The following KCNH8 variants were observed in gnomAD, a reference collection of about 807,000 sequenced individuals.
KCNH8 encodes voltage-gated delayed rectifier potassium channel KCNH8.
In KCNH8, 70 loss-of-function variants were observed where a neutral mutation model predicts 103.6. The observed-to-expected ratio is 0.68, with a 90% CI of 0.56 to 0.82. The LOEUF is 0.82. Among genes scored for constraint, KCNH8 ranks in the 40% least tolerant of loss-of-function variants. The pLI, the probability that KCNH8 is intolerant of heterozygous loss-of-function variation, is 0.00. For missense variants in KCNH8, 1,217 were observed against 1,329.9 expected, an observed-to-expected ratio of 0.92 and a Z score of 1.32; for synonymous variants, 498 against 489.4, an observed-to-expected ratio of 1.02 and a Z score of -0.23.
In KCNH8 at chr3:19,321,312, A is replaced by C. The variant is rs1575525411; in HGVS notation, c.443-21275A>C. ...TTGCTCTTTCAGACTTTTTGATGTG[A>C]ACATTTAATGGTATGAACTTTTCTC... is the stretch of plus-strand genomic sequence containing the variant. On this transcript the variant is annotated intron_variant, in intron 3 of 15. Transcript: ENST00000328405. 2.6e-5 allele frequency among the ~76,000 whole-genome samples: 4 copies of C among 151,838 alleles called. No homozygotes were observed. In the South Asian group the frequency reaches 8.3e-4, roughly 32 times the overall value.
intron 3 of KCNH8, among the ~76,000 whole-genome samples, chr3:19,340,355 TA>T (rs1178456309): frequency 3.7e-5 from 4 of 107,052 alleles, no homozygotes; most frequent in African/African-American, 7.9e-5. Context: ...ATTTTTTTTT[TA>T]ATTTTTTTTT....
intron 1 of KCNH8, among the ~76,000 whole-genome samples, chr3:19,205,968 A>G (rs2063710006): frequency 6.6e-6 from 1 of 151,330 alleles, no homozygotes; most frequent in South Asian, 2.1e-4. Context: ...CGCCCTTTCC[A>G]CCCTTTCCTC....
chr3:19,220,387 C>T (rs186626496), intron 1 of KCNH8, among the ~76,000 whole-genome samples: 1 of 152,338 alleles, frequency 6.6e-6, no homozygotes, highest in Non-Finnish European at 1.5e-5. Context: ...TCTCCTTAAA[C>T]TCATGAATGG....
At chr3:19,405,413 AAGAC>A (rs1387679515) in intron 7 of KCNH8, among the ~76,000 whole-genome samples, 5 of 151,870 alleles carry the variant, frequency 3.3e-5, no homozygotes, top group African/African-American at 1.2e-4. Context: ...GTTTTTTAGA[AAGAC>A]AATCATATAA....
intron 5 of KCNH8, among the ~76,000 whole-genome samples, chr3:19,372,783 C>A (rs987430521): frequency 3.3e-5 from 5 of 152,064 alleles, no homozygotes; most frequent in African/African-American, 1.2e-4. Context: ...TGAAATATGT[C>A]CCATCAATAC....
At chr3:19,458,962 G>A (rs2067577904) in intron 11 of KCNH8, among the ~76,000 whole-genome samples, 1 of 151,914 alleles carries the variant, frequency 6.6e-6, no homozygotes, top group Admixed American at 6.6e-5. Flanking sequence ...GTATTTCATT[G>A]TGTATGTATA....
In KCNH8 at chr3:19,515,527, G is replaced by C. The variant is rs1276212841; in HGVS notation, c.2542+99G>C. On this transcript the variant is annotated intron_variant, in intron 14 of 15. Coordinates refer to ENST00000328405, the MANE Select transcript of KCNH8 (RefSeq NM_144633.3). ...TTTTTTTTTTGCTTTCCTGTCCTTA[G>C]AATATTCTCCCTGTCATAGAACCTT... is the stretch of plus-strand genomic sequence containing the variant. 6.0e-6 allele frequency: 3 copies of C among 499,400 alleles called. No individual in the cohort carries two copies. The South Asian group carries it at 1.1e-4, about 19-fold the overall frequency. The allele number at this position is 499,400 out of a possible 1,614,324, so 30.9% of individuals were successfully genotyped here. A position where few individuals can be genotyped will look rare whatever the true frequency, so the allele number is the denominator to read the frequency against.
intron 1 of KCNH8, among the ~76,000 whole-genome samples, chr3:19,244,697 T>C (rs2064182619): frequency 6.6e-6 from 1 of 152,236 alleles, no homozygotes; most frequent in Non-Finnish European, 1.5e-5. Context: ...TTGTGGGTTT[T>C]GATTTGCATT....
Position 19,534,122 on chromosome 3 carries a change from G to C in KCNH8, c.*23G>C, listed in dbSNP as rs770336169. ...TGATATTAGTGCCCATGATGCAGCA[G>C]CTAATTTCAAACCTACCACTGCATG... On this transcript the variant is annotated 3_prime_UTR_variant, in exon 16 of 16. Transcript: ENST00000328405. The C allele has an allele frequency of 6.4e-7, 1 of 1,563,768 alleles. No homozygotes were observed. Among genetic ancestry groups the C allele is most frequent in the Non-Finnish European group, 8.8e-7 (1 of 1,139,964 alleles).
intron 5 of KCNH8, among the ~76,000 whole-genome samples, chr3:19,376,495 G>A (rs1372078028): frequency 1.3e-5 from 2 of 152,132 alleles, no homozygotes; most frequent in Non-Finnish European, 2.9e-5. Flanking sequence ...TGTGCCCACT[G>A]TCTGGCACTC....
chr3:19,527,374 T>C (rs956614245), intron 15 of KCNH8, among the ~76,000 whole-genome samples: 2 of 152,084 alleles, frequency 1.3e-5, no homozygotes, highest in Non-Finnish European at 2.9e-5. Flanking sequence ...AGAAGTTCTC[T>C]ACCAAGCTTA....
In KCNH8 at chr3:19,533,795, A is replaced by G. The variant is rs1390236475; in HGVS notation, c.3020A>G (p.Gln1007Arg). ...HYQVVQEGHLQFLRCISPHSD... is the reference protein window; with the variant it reads ...HYQVVQEGHLRFLRCISPHSD... Reference sequence around the variant, plus strand: ...CAGGTTGTCCAAGAAGGTCATTTGCAATTTTTAAGGTGCATCTCTCCACAT... The same window carrying G: ...CAGGTTGTCCAAGAAGGTCATTTGCGATTTTTAAGGTGCATCTCTCCACAT... Residue 1007 changes from glutamine (Q) to arginine (R), a missense_variant, in exon 16 of 16, where the codon CAA becomes CGA. By Grantham distance (43) the Gln-to-Arg change is conservative (BLOSUM62 1). Transcript: ENST00000328405. 1 of 1,614,156 alleles carries G rather than the reference A, an allele frequency of 6.2e-7. No individual in the cohort carries two copies. The highest frequency in any genetic ancestry group is 8.5e-7 in the Non-Finnish European group (1 of 1,180,014).
At chr3:19,329,243 A>G (rs1434943865) in intron 3 of KCNH8, among the ~76,000 whole-genome samples, 2 of 152,192 alleles carry the variant, frequency 1.3e-5, no homozygotes, top group African/African-American at 4.8e-5. Context: ...AAAGCTGATC[A>G]CATACTATAT....
At chr3:19,515,192 CT>C in intron 13 of KCNH8, 129 bp from the exon 14 acceptor site, 1 of 452,714 alleles carries the variant, frequency 2.2e-6, no homozygotes, top group East Asian at 3.4e-5. Context: ...CTAATGGTTA[CT>C]ATATTGAATA....
intron 1 of KCNH8, among the ~76,000 whole-genome samples, chr3:19,154,757 T>C (rs2063164785): frequency 6.6e-6 from 1 of 152,206 alleles, no homozygotes; most frequent in Non-Finnish European, 1.5e-5. Flanking sequence ...TCTAGAGTTA[T>C]GTCCTTGGTC....
chr3:19,457,156 G>A (rs567424653), intron 11 of KCNH8, among the ~76,000 whole-genome samples, 174 bp downstream of exon 11: 1 of 152,036 alleles, frequency 6.6e-6, no homozygotes, highest in Admixed American at 6.6e-5. Context: ...CAAACCTAGA[G>A]TTTGTTATTA....
intron 11 of KCNH8, among the ~76,000 whole-genome samples, chr3:19,485,618 G>GCC (rs991093494): frequency 6.6e-6 from 1 of 152,076 alleles, no homozygotes; most frequent in African/African-American, 2.4e-5. Flanking sequence ...TTTATTACTT[G>GCC]CCCCCTTTCT....
At chr3:19,233,570 T>C (rs948056177) in intron 1 of KCNH8, among the ~76,000 whole-genome samples, 3 of 152,192 alleles carry the variant, frequency 2.0e-5, no homozygotes, top group Non-Finnish European at 2.9e-5. Flanking sequence ...TTGAATAATA[T>C]TGTTTCATTC....
chr3:19,463,266 A>C (rs2067670525), intron 11 of KCNH8, among the ~76,000 whole-genome samples: 1 of 152,160 alleles, frequency 6.6e-6, no homozygotes, highest in Admixed American at 6.6e-5. Context: ...AATTCATTGC[A>C]AAAGTTTCAG....
Sources: gnomAD v4.1 joint callset for allele counts (sites outside exome capture counted in the v4.1 genomes callset) on GRCh38, gnomAD v4.1.1 for gene constraint, MANE v1.5 for transcripts, NCBI Gene and HGNC (gene_info 2026-07-23, HGNC 2026-07-21) for gene names.